CCT6B: variants seen among roughly 807,000 people sequenced by gnomAD.
CCT6B encodes the protein probable T-complex protein 1 subunit zeta-2.
CCT6B carries 49 observed loss-of-function variants against 61.5 expected under a neutral mutation model. The ratio of observed to expected loss-of-function variants is 0.80; its 90% CI spans 0.63 to 1.01. The LOEUF (loss-of-function observed/expected upper bound fraction) is 1.01, where lower values mean the gene tolerates loss of function less well. CCT6B is among the 50% of genes least tolerant of loss of function. The pLI, the probability that CCT6B is intolerant of heterozygous loss-of-function variation, is 0.00. For missense variants in CCT6B, 666 were observed against 634.7 expected (o/e 1.05, Z -0.53); for synonymous variants, 228 against 214.5 (o/e 1.06, Z -0.55).
intron 7 of CCT6B, 77 bp downstream of exon 7, chr17:34,942,407 T>C (rs747699993): frequency 1.9e-5 from 22 of 1,138,204 alleles, no homozygotes; most frequent in Non-Finnish European, 2.8e-5. Flanking sequence ...TAGGGATTCT[T>C]AGGGGTCCAC....
intron 5 of CCT6B, among the ~76,000 whole-genome samples, chr17:34,950,718 G>T (rs2090281630): frequency 6.6e-6 from 1 of 152,006 alleles, no homozygotes; most frequent in African/African-American, 2.4e-5. Context: ...ATCACAAGGT[G>T]AGGAGTTCGA....
At chr17:34,948,545 T>C (rs1219270962) in intron 5 of CCT6B, among the ~76,000 whole-genome samples, 1 of 151,628 alleles carries the variant, frequency 6.6e-6, no homozygotes, top group African/African-American at 2.4e-5. Context: ...TGAAACTCCA[T>C]CTCTACTAAA....
intron 5 of CCT6B, among the ~76,000 whole-genome samples, chr17:34,946,946 G>A (rs1404332432): frequency 1.3e-5 from 2 of 152,176 alleles, no homozygotes; most frequent in African/African-American, 4.8e-5. Flanking sequence ...TTTCTTGTGA[G>A]AGTGCTGATT....
chr17:34,939,147 A>C, intron 10 of CCT6B, 36 bp downstream of exon 10: 1 of 1,558,554 alleles, frequency 6.4e-7, no homozygotes, highest in African/African-American at 1.4e-5. Context: ...ACACACATAT[A>C]CATGAGGTTC....
rs2089990844 is a variant in CCT6B at position 34,928,176 on chromosome 17, C to T, written c.1524-59G>A. On this transcript the variant is annotated intron_variant, in intron 13 of 13. Transcript: ENST00000314144. ...ACTAACCCACTCTTAGCTTTTTTCC[C>T]CAGCAATCTTTACCTATGTAGGGTA... 5 of 1,103,318 alleles carry T rather than the reference C, an allele frequency of 4.5e-6. No individual in the cohort carries two copies. In the South Asian group the frequency reaches 7.0e-5, roughly 15 times the overall value. The allele number at this position is 1,103,318 out of a possible 1,614,324, so 68.3% of individuals were successfully genotyped here.
chr17:34,947,892 A>G (rs2090242911), intron 5 of CCT6B, among the ~76,000 whole-genome samples: 2 of 151,182 alleles, frequency 1.3e-5, no homozygotes, highest in South Asian at 4.2e-4. Flanking sequence ...TGAGGGAATC[A>G]CTTGAACCTG....
chr17:34,959,210 G>C (rs1316312436), intron 2 of CCT6B, among the ~76,000 whole-genome samples: 1 of 148,792 alleles, frequency 6.7e-6, no homozygotes, highest in Non-Finnish European at 1.5e-5. Context: ...TGCAGCCTTG[G>C]CCTCCTGGGC....
At chr17:34,934,453 C>T (rs148479016) in intron 10 of CCT6B, among the ~76,000 whole-genome samples, 410 of 152,176 alleles carry the variant, frequency 2.7e-3, no homozygotes, top group Non-Finnish European at 3.9e-3. Context: ...TAGCCACAGA[C>T]AATATATAGA....
chr17:34,940,369 C>T (rs1435392409), intron 8 of CCT6B, among the ~76,000 whole-genome samples, 170 bp downstream of exon 8: 1 of 152,132 alleles, frequency 6.6e-6, no homozygotes, highest in East Asian at 1.9e-4. Context: ...GGTTAACAAC[C>T]TTGCTTTTTG....
chr17:34,936,890 C>T (rs1008680396), intron 10 of CCT6B, among the ~76,000 whole-genome samples: 24 of 152,228 alleles, frequency 1.6e-4, no homozygotes, highest in African/African-American at 5.5e-4. Flanking sequence ...TAATGGCTCA[C>T]ACCTGTAATC....
In CCT6B at chr17:34,961,408, G is replaced by C. The variant is rs1269570471; in HGVS notation, c.-15C>G. ...ATCGCAGCCATAGCCTAACCGTTCA[G>C]AGGGAGAAAAAAAAAAAGCCTTAGT... On this transcript the variant is annotated 5_prime_UTR_variant, in exon 1 of 14. Coordinates refer to ENST00000314144, the MANE Select transcript of CCT6B (RefSeq NM_006584.4). 1 of 1,575,442 alleles carries C rather than the reference G, an allele frequency of 6.3e-7. No homozygotes were observed. The highest frequency in any genetic ancestry group is 8.6e-7 in the Non-Finnish European group (1 of 1,167,760).
At chr17:34,949,111 A>AAGAAAAG (rs2090261426) in intron 5 of CCT6B, among the ~76,000 whole-genome samples, 1 of 136,108 alleles carries the variant, frequency 7.3e-6, no homozygotes, top group African/African-American at 2.7e-5. Context: ...GAAAAGAGAA[A>AAGAAAAG]AGAAAAGAAA....
intron 5 of CCT6B, among the ~76,000 whole-genome samples, chr17:34,944,658 G>T (rs961272319): frequency 6.6e-6 from 1 of 152,290 alleles, no homozygotes; most frequent in East Asian, 1.9e-4. Context: ...CAGGCGCGGC[G>T]GCTCACGCCT....
At chr17:34,945,502 C>T (rs1347309498) in intron 5 of CCT6B, among the ~76,000 whole-genome samples, 1 of 152,202 alleles carries the variant, frequency 6.6e-6, no homozygotes, top group African/African-American at 2.4e-5. Context: ...CTATTTCTGT[C>T]ATGTCCTATG....
At chr17:34,939,820 T>C (rs1019924527) in intron 8 of CCT6B, 107 bp from the exon 9 acceptor site, 24 of 717,328 alleles carry the variant, frequency 3.3e-5, no homozygotes, top group Middle Eastern at 2.4e-4. Context: ...CTGTATTGTA[T>C]TGTTTTGGGT....
intron 5 of CCT6B, 111 bp from the exon 6 acceptor site, chr17:34,943,017 C>T (rs2090183833): frequency 1.6e-6 from 1 of 636,820 alleles, no homozygotes; most frequent in African/African-American, 1.9e-5. Flanking sequence ...CACATTGTTT[C>T]CTTGTACCAA....
At chr17:34,928,294 T>C (rs943339359) in intron 13 of CCT6B, among the ~76,000 whole-genome samples, 177 bp from the exon 14 acceptor site, 2 of 151,760 alleles carry the variant, frequency 1.3e-5, no homozygotes, top group Non-Finnish European at 2.9e-5. Context: ...TTTCCCAAGA[T>C]GGAGTTTCAC....
intron 10 of CCT6B, among the ~76,000 whole-genome samples, chr17:34,936,941 C>A (rs1168376896): frequency 4.6e-5 from 7 of 151,938 alleles, no homozygotes; most frequent in Non-Finnish European, 8.8e-5. Flanking sequence ...TCGCTTGAGC[C>A]CAGGAGTTTG....
chr17:34,941,556 A>C (rs1429131120), intron 7 of CCT6B, among the ~76,000 whole-genome samples: 2 of 152,252 alleles, frequency 1.3e-5, no homozygotes, highest in Non-Finnish European at 2.9e-5. Context: ...TTGACAACAA[A>C]TACTGTCAGT....
Sources: gnomAD v4.1 joint callset for allele counts (sites outside exome capture counted in the v4.1 genomes callset) on GRCh38, gnomAD v4.1.1 for gene constraint, MANE v1.5 for transcripts, NCBI Gene and HGNC (gene_info 2026-07-23, HGNC 2026-07-21) for gene names.